The following PBX4 variants were observed in gnomAD, a reference collection of about 807,000 sequenced individuals.
PBX4 encodes pre-B-cell leukemia transcription factor 4.
PBX4 carries 26 observed loss-of-function variants against 35.1 expected under a neutral mutation model. The observed-to-expected ratio is 0.74, with a 90% CI of 0.54 to 1.03. The LOEUF is 1.03. Among genes scored for constraint, PBX4 ranks in the 50% least tolerant of loss-of-function variants. The pLI, the probability that PBX4 is intolerant of heterozygous loss-of-function variation, is 0.00. For missense variants in PBX4, 448 were observed against 504.3 expected (o/e 0.89, Z 1.07); for synonymous variants, 199 against 204.2 (o/e 0.97, Z 0.22).
At chr19:19,601,249 G>A (rs756243769) in intron 1 of PBX4, among the ~76,000 whole-genome samples, 3 of 152,206 alleles carry the variant, frequency 2.0e-5, no homozygotes, top group Admixed American at 6.5e-5. Flanking sequence ...CTGGAGAGAG[G>A]TATGGTTTAG....
chr19:19,595,841 T>G (rs2061557522), intron 2 of PBX4, among the ~76,000 whole-genome samples: 1 of 152,070 alleles, frequency 6.6e-6, no homozygotes, highest in Non-Finnish European at 1.5e-5. Context: ...GCAAAAGTAC[T>G]GAGGACAACA....
At chr19:19,611,637 C>A (rs2061663168) in intron 1 of PBX4, among the ~76,000 whole-genome samples, 1 of 148,732 alleles carries the variant, frequency 6.7e-6, no homozygotes, top group Admixed American at 6.7e-5. Flanking sequence ...CGAGATCATG[C>A]CACTGCATTC....
chr19:19,573,931 T>C (rs2061403050), intron 2 of PBX4, among the ~76,000 whole-genome samples: 1 of 152,186 alleles, frequency 6.6e-6, no homozygotes, highest in Non-Finnish European at 1.5e-5. Context: ...GGTTTCACCA[T>C]GTTGGCCAGG....
chr19:19,591,489 C>T (rs549752428), intron 2 of PBX4, among the ~76,000 whole-genome samples: 1 of 152,248 alleles, frequency 6.6e-6, no homozygotes, highest in African/African-American at 2.4e-5. Context: ...GGGCTCTGTG[C>T]GTTCCTACAG....
intron 2 of PBX4, among the ~76,000 whole-genome samples, chr19:19,595,558 ATT>A (rs2061555924): frequency 6.6e-6 from 1 of 152,088 alleles, no homozygotes; most frequent in African/African-American, 2.4e-5. Flanking sequence ...GCTCCCCACA[ATT>A]TAAATAAGGA....
chr19:19,581,778 T>C (rs1284782172), intron 2 of PBX4, among the ~76,000 whole-genome samples: 1 of 152,182 alleles, frequency 6.6e-6, no homozygotes, highest in Non-Finnish European at 1.5e-5. Flanking sequence ...GGTCATGCGG[T>C]GCTGCCATTG....
At chr19:19,571,922 A>G (rs1433923633) in intron 2 of PBX4, among the ~76,000 whole-genome samples, 1 of 150,846 alleles carries the variant, frequency 6.6e-6, no homozygotes, top group Non-Finnish European at 1.5e-5. Context: ...AATCCCAGCT[A>G]CTAGGGAGGC....
At chr19:19,600,242 A>G (rs2061588870) in intron 1 of PBX4, among the ~76,000 whole-genome samples, 1 of 152,034 alleles carries the variant, frequency 6.6e-6, no homozygotes, top group South Asian at 2.1e-4. Flanking sequence ...ATCAAAAACT[A>G]TGGTAAGGCA....
intron 1 of PBX4, among the ~76,000 whole-genome samples, chr19:19,613,031 C>CA (rs1386057918): frequency 6.6e-6 from 1 of 151,960 alleles, no homozygotes; most frequent in Non-Finnish European, 1.5e-5. Context: ...CCACGTTGCA[C>CA]AGGCTGGTCT....
Position 19,565,016 on chromosome 19 carries a change from A to T in PBX4, c.842T>A (p.Ile281Asn), listed in dbSNP as rs2061332745. Residue 281 changes from isoleucine (I) to asparagine (N), a missense_variant, in exon 6 of 8, where the codon ATT (isoleucine) becomes AAT (asparagine). Coordinates refer to ENST00000251203, the MANE Select transcript of PBX4 (RefSeq NM_025245.3). ...ATCCACAGCCGTTTTACCCGTGTAA[A>T]TGGTAGCCTCTTCTTGAAACTTCCC... ...NMGKFQEEATIYTGKTAVDTT... is the reference protein window; with the variant it reads ...NMGKFQEEATNYTGKTAVDTT... The T allele has an allele frequency of 6.2e-7, 1 of 1,614,076 alleles. No homozygotes were observed. Among genetic ancestry groups the T allele is most frequent in the South Asian group, 1.1e-5 (1 of 91,082 alleles).
chr19:19,601,608 G>A (rs1054044147), intron 1 of PBX4, among the ~76,000 whole-genome samples: 2 of 152,174 alleles, frequency 1.3e-5, no homozygotes, highest in Admixed American at 6.6e-5. Context: ...TTATCTGGGG[G>A]GGCCTACTGT....
At chr19:19,567,913 G>A (rs1289961682) in intron 5 of PBX4, among the ~76,000 whole-genome samples, 1 of 150,042 alleles carries the variant, frequency 6.7e-6, no homozygotes, top group Non-Finnish European at 1.5e-5. Context: ...CACCCCACCT[G>A]TATCCCTCAG....
rs1188832655 is a variant in PBX4, at chr19:19,563,350, C to G, written c.1032+159G>C. Among the ~76,000 whole-genome samples, 1 of 152,178 alleles carries G rather than the reference C, an allele frequency of 6.6e-6. No individual in the cohort carries two copies. The highest frequency in any genetic ancestry group is 1.5e-5 in the Non-Finnish European group (1 of 68,024). Reference sequence around the variant, plus strand: ...GGCACAGTCATTACAGAGTGGGGCCCTGCAGAGCTGTGCCCCAGAGGTGGC... The same window carrying G: ...GGCACAGTCATTACAGAGTGGGGCCGTGCAGAGCTGTGCCCCAGAGGTGGC... On this transcript the variant is annotated intron_variant, in intron 7 of 7. Transcript: ENST00000251203. This position sits in a 1 kb window ranked among gnomAD's most constrained non-coding sequence, Gnocchi z 5.1.
intron 2 of PBX4, chr19:19,588,360 G>T: frequency 7.6e-7 from 1 of 1,316,646 alleles, no homozygotes; most frequent in Non-Finnish European, 1.1e-6. Context: ...ACAGTCATCT[G>T]ATGGCAACAC....
Position 19,617,470 on chromosome 19 carries a change from G to A in PBX4, c.119+1041C>T, listed in dbSNP as rs138483033. 5.6e-3 allele frequency among the ~76,000 whole-genome samples: 851 copies of A among 152,162 alleles called. 4 individuals carry two copies. The highest frequency in any genetic ancestry group is 7.9e-3 in the Non-Finnish European group (539 of 67,998). On this transcript the variant is annotated intron_variant, in intron 1 of 7. Transcript: ENST00000251203. ...ATTTTTTAATTTTATTTTTAGTAGAGACGAGGTCTTACTACATTGTCCAGG... is the reference window on the plus strand; with the variant it reads ...ATTTTTTAATTTTATTTTTAGTAGAAACGAGGTCTTACTACATTGTCCAGG...
At chr19:19,580,884 C>A (rs2144733970) in intron 2 of PBX4, among the ~76,000 whole-genome samples, 1 of 152,366 alleles carries the variant, frequency 6.6e-6, no homozygotes, top group Middle Eastern at 3.4e-3. Flanking sequence ...AGGCATGCGC[C>A]ACCCTGCCCA....
chr19:19,575,760 G>A (rs369456961), intron 2 of PBX4, among the ~76,000 whole-genome samples: 10 of 152,168 alleles, frequency 6.6e-5, no homozygotes, highest in Non-Finnish European at 7.4e-5. Flanking sequence ...CTGTTCCCTC[G>A]CGGAGCCTTG....
At chr19:19,565,248 T>C (rs1184532592) in intron 5 of PBX4, among the ~76,000 whole-genome samples, 159 bp from the exon 6 acceptor site, 1 of 152,130 alleles carries the variant, frequency 6.6e-6, no homozygotes, top group Non-Finnish European at 1.5e-5. Context: ...GGTGGCGCCC[T>C]CTGAACCACG....
intron 1 of PBX4, among the ~76,000 whole-genome samples, chr19:19,613,962 C>T (rs1170568995): frequency 1.3e-5 from 2 of 152,176 alleles, no homozygotes; most frequent in Non-Finnish European, 2.9e-5. Flanking sequence ...TCCCACACAC[C>T]CTACTTCTCA....
Sources: allele counts gnomAD v4.1 joint callset (sites outside exome capture counted in the v4.1 genomes callset), GRCh38; gene constraint gnomAD v4.1.1; non-coding constraint Gnocchi (gnomAD v3.1); transcripts MANE v1.5; gene names NCBI Gene and HGNC (gene_info 2026-07-23, HGNC 2026-07-21).